ALDH3B1: variants seen among roughly 807,000 people sequenced by gnomAD.
ALDH3B1 encodes the protein aldehyde dehydrogenase family 3 member B1.
Under a neutral mutation model 46.2 loss-of-function variants are expected in ALDH3B1, and 37 were observed. The observed-to-expected ratio is 0.80, with a 90% CI of 0.62 to 1.05. The LOEUF is 1.05. ALDH3B1 is among the 50% of genes least tolerant of loss of function. ALDH3B1 has a pLI of 0.00. For missense variants in ALDH3B1, 603 were observed against 665.5 expected (o/e 0.91, Z 1.03); for synonymous variants, 283 against 281.0 (o/e 1.01, Z -0.07).
At chr11:68,019,279 A>G in intron 5 of ALDH3B1, 24 bp downstream of exon 5, 1 of 1,605,206 alleles carries the variant, frequency 6.2e-7, no homozygotes, top group African/African-American at 1.3e-5. Flanking sequence ...CCGGGCAGGT[A>G]GAGCGGGAAC....
chr11:68,019,836 G>A (rs958127355), intron 6 of ALDH3B1, 40 bp downstream of exon 6: 28 of 1,602,182 alleles, frequency 1.7e-5, no homozygotes, highest in Admixed American at 5.0e-5. Context: ...TGGGGTCGGG[G>A]AGGACAGCTG....
intron 8 of ALDH3B1, 33 bp from the exon 9 acceptor site, chr11:68,025,976 A>C: frequency 6.7e-7 from 1 of 1,489,444 alleles, no homozygotes; most frequent in Non-Finnish European, 9.1e-7. Flanking sequence ...ATGGGGCTCA[A>C]GGCAGCCTCA....
chr11:68,024,074 T>C (rs891129529), intron 8 of ALDH3B1: 1 of 152,202 alleles, frequency 6.6e-6, no homozygotes, highest in Non-Finnish European at 1.5e-5. Flanking sequence ...GGCCCCAGGA[T>C]CCAAGCCAGG....
chr11:68,019,351 C>T (rs1157895481), intron 5 of ALDH3B1, 96 bp downstream of exon 5: 3 of 1,054,690 alleles, frequency 2.8e-6, no homozygotes, highest in Non-Finnish European at 4.3e-6. Flanking sequence ...AGACCCGAGT[C>T]CCCACCTCAA....
chr11:68,021,340 T>C, intron 6 of ALDH3B1, 145 bp from the exon 7 acceptor site: 1 of 1,214,058 alleles, frequency 8.2e-7, no homozygotes, highest in Admixed American at 2.4e-5. Flanking sequence ...GGCTGCAGGG[T>C]GGCAGTGAGG....
chr11:68,024,660 A>C (rs762365242), intron 8 of ALDH3B1: 7 of 152,086 alleles, frequency 4.6e-5, no homozygotes, highest in Non-Finnish European at 8.8e-5. Context: ...GTAGTGATAA[A>C]TTCCCCCAGC....
intron 5 of ALDH3B1, 68 bp downstream of exon 5, chr11:68,019,323 T>C: frequency 7.1e-7 from 1 of 1,399,978 alleles, no homozygotes; most frequent in Non-Finnish European, 9.9e-7. Context: ...GCCCCTGGCA[T>C]GGAAGGGCCT....
intron 2 of ALDH3B1, 96 bp downstream of exon 2, chr11:68,015,555 T>G (rs189980088): frequency 6.6e-7 from 1 of 1,505,016 alleles, no homozygotes; most frequent in Non-Finnish European, 9.0e-7. Context: ...GCGCCCTCCA[T>G]GAAGCGGGGC....
Position 68,027,926 on chromosome 11 carries a change from G to A in ALDH3B1, c.1394G>A (p.Cys465Tyr). 2 of 1,555,834 alleles carry A rather than the reference G, an allele frequency of 1.3e-6. No individual in the cohort carries two copies. Among genetic ancestry groups the A allele is most frequent in the African/African-American group, 1.4e-5 (1 of 73,740 alleles). Residue 465 changes from cysteine (C) to tyrosine (Y), a missense_variant, in exon 10 of 10, where the codon TGC becomes TAC. Coordinates refer to ENST00000342456, the MANE Select transcript of ALDH3B1 (RefSeq NM_000694.4). ...GCCATGGAGGCCCAAGGCTGCAGCTGCACACTGCTCTGAGCCCTTCCCCAG... is the reference window on the plus strand; with the variant it reads ...GCCATGGAGGCCCAAGGCTGCAGCTACACACTGCTCTGAGCCCTTCCCCAG... ...LVAMEAQGCS[C>Y]TLL is the part of the protein sequence containing the mutation.
At chr11:68,018,353 G>A in intron 2 of ALDH3B1, 174 bp from the exon 3 acceptor site, 1 of 624,002 alleles carries the variant, frequency 1.6e-6, no homozygotes. Flanking sequence ...CCTCTGTTTG[G>A]CACAGAGACA....
chr11:68,017,998 G>T (rs598156), intron 2 of ALDH3B1: 80,424 of 152,766 alleles, frequency 0.53, 22,147 homozygotes, highest in African/African-American at 0.7. Flanking sequence ...CAGAGCAAGC[G>T]CACAGCCACC....
Position 68,028,980 on chromosome 11 carries a change from A to G in ALDH3B1, c.*1041A>G, listed in dbSNP as rs950163559. The G allele has an allele frequency of 6.6e-6, 1 of 152,292 alleles. No individual in the cohort carries two copies. Among genetic ancestry groups the G allele is most frequent in the African/African-American group, 2.4e-5 (1 of 41,454 alleles). The allele number at this position is 152,292 out of a possible 1,614,324, so 9.4% of individuals were successfully genotyped here. A position where few individuals can be genotyped will look rare whatever the true frequency, so the allele number is the denominator to read the frequency against. On this transcript the variant is annotated 3_prime_UTR_variant, in exon 10 of 10. Transcript: ENST00000342456. ...GCCCCATCCACTCAGCCAAAGCAGA[A>G]TGCAGGGTTTCCTGCCTGACAACCC...
intron 7 of ALDH3B1, among the ~76,000 whole-genome samples, chr11:68,022,254 T>C (rs1015047808): frequency 6.6e-6 from 1 of 152,152 alleles, no homozygotes; most frequent in African/African-American, 2.4e-5. Context: ...GCCGTACGGC[T>C]CAGCAGCTCA....
chr11:68,013,539 G>C (rs144569832), intron 1 of ALDH3B1, among the ~76,000 whole-genome samples: 169 of 152,302 alleles, frequency 1.1e-3, no homozygotes, highest in Non-Finnish European at 2.1e-3. Context: ...AATATTTGCA[G>C]GCTACTTAGC....
At chr11:68,017,532 C>T (rs1175976067) in intron 2 of ALDH3B1, 2 of 152,508 alleles carry the variant, frequency 1.3e-5, no homozygotes, top group African/African-American at 4.8e-5. Context: ...CCCCAGTGTC[C>T]CTGACCTGTT....
At chr11:68,012,491 A>G (rs190095147) in intron 1 of ALDH3B1, among the ~76,000 whole-genome samples, 169 of 152,268 alleles carry the variant, frequency 1.1e-3, no homozygotes, top group Admixed American at 2.4e-3. Context: ...ATGCACCTCA[A>G]CCTGTGATGG....
intron 7 of ALDH3B1, 41 bp downstream of exon 7, chr11:68,021,912 A>T: frequency 6.5e-7 from 1 of 1,547,580 alleles, no homozygotes. Flanking sequence ...CTGGGCCAAG[A>T]CCCCTCCTCA....
chr11:68,021,961 G>T, intron 7 of ALDH3B1, 90 bp downstream of exon 7: 1 of 1,510,950 alleles, frequency 6.6e-7, no homozygotes, highest in African/African-American at 1.4e-5. Flanking sequence ...CTGGACCCGC[G>T]CCTGAAACCT....
chr11:68,024,067 C>G (rs1421111386), intron 8 of ALDH3B1: 1 of 152,190 alleles, frequency 6.6e-6, no homozygotes, highest in East Asian at 1.9e-4. Flanking sequence ...CTCTTTCGGC[C>G]CCAGGATCCA....
Sources: allele counts gnomAD v4.1 joint callset (sites outside exome capture counted in the v4.1 genomes callset), GRCh38; gene constraint gnomAD v4.1.1; transcripts MANE v1.5; gene names NCBI Gene and HGNC (gene_info 2026-07-23, HGNC 2026-07-21).